Variants in FRS2 observed in about 807,000 individuals in gnomAD.
The protein encoded by FRS2 is fibroblast growth factor receptor substrate 2.
A neutral mutation model predicts 43.9 loss-of-function variants in FRS2; 8 were observed. That is an observed-to-expected ratio of 0.18 (90% CI 0.11 to 0.33). FRS2 has a LOEUF of 0.33. FRS2 is among the 10% of genes least tolerant of loss of function. The pLI, the probability that FRS2 is intolerant of heterozygous loss-of-function variation, is 1.00. For missense variants in FRS2, 534 were observed against 627.6 expected (o/e 0.85, Z 1.59); for synonymous variants, 219 against 220.3 (o/e 0.99, Z 0.05).
chr12:69,499,181 A>G (rs1403541613), intron 1 of FRS2, among the ~76,000 whole-genome samples: 2 of 152,202 alleles, frequency 1.3e-5, no homozygotes, highest in African/African-American at 2.4e-5. Flanking sequence ...ATTGTTGACT[A>G]GAAGTGTAAC....
At chr12:69,486,095 T>G (rs1592921308) in intron 1 of FRS2, 1 of 152,202 alleles carries the variant, frequency 6.6e-6, no homozygotes, top group Non-Finnish European at 1.5e-5. Context: ...GTATCCTAAT[T>G]CCCTTTTTTA....
rs61759364 is a variant in FRS2 at position 69,570,017 on chromosome 12, C to T, written c.67-314C>T. On this transcript the variant is annotated intron_variant, in intron 5 of 8. Transcript: ENST00000549921. The stretch of plus-strand genomic sequence containing the variant: ...TATACTAGCGGTCCAGCTAAAGGCC[C>T]TCCTCCTCTTAAATGAAGGTGTCTC... 1.5e-3 allele frequency among the ~76,000 whole-genome samples: 229 copies of T among 152,294 alleles called. 1 individual carries two copies. The highest frequency in any genetic ancestry group is 5.3e-3 in the African/African-American group (220 of 41,560).
At chr12:69,562,626 C>T (rs1172417599) in intron 4 of FRS2, among the ~76,000 whole-genome samples, 1 of 152,106 alleles carries the variant, frequency 6.6e-6, no homozygotes, top group Non-Finnish European at 1.5e-5. Flanking sequence ...CTTGTTATAG[C>T]ATTGCTCTTC....
chr12:69,570,982 A>C (rs1485857459), intron 6 of FRS2, among the ~76,000 whole-genome samples: 2 of 152,178 alleles, frequency 1.3e-5, no homozygotes, highest in Non-Finnish European at 2.9e-5. Context: ...TGGAATAGTG[A>C]GTTGGGCTCC....
At chr12:69,547,375 C>T (rs1878498798) in intron 3 of FRS2, among the ~76,000 whole-genome samples, 1 of 152,042 alleles carries the variant, frequency 6.6e-6, no homozygotes, top group South Asian at 2.1e-4. Context: ...ATGAGAGAAT[C>T]CCTTGAGCCT....
chr12:69,521,125 G>A (rs755235741), intron 1 of FRS2, among the ~76,000 whole-genome samples: 69 of 152,036 alleles, frequency 4.5e-4, no homozygotes, highest in Non-Finnish European at 9.1e-4. Context: ...TACTCTCCTG[G>A]TTAGCTGTAT....
At chr12:69,569,917 G>C (rs1158190383) in intron 5 of FRS2, among the ~76,000 whole-genome samples, 3 of 152,016 alleles carry the variant, frequency 2.0e-5, no homozygotes, top group African/African-American at 2.4e-5. Flanking sequence ...CTTTAACATT[G>C]TGTCTTTATG....
chr12:69,527,015 G>A (rs935599364), intron 1 of FRS2, among the ~76,000 whole-genome samples: 5 of 152,184 alleles, frequency 3.3e-5, no homozygotes, highest in Non-Finnish European at 5.9e-5. Flanking sequence ...GAGCCACCGC[G>A]TCCAGCCAGT....
chr12:69,574,433 T>C lies in FRS2; in HGVS notation c.1005T>C (p.Asn335=). Residue 335 remains asparagine, a synonymous_variant, in exon 9 of 9, where the codon AAT becomes AAC. Transcript: ENST00000549921. ...LTSTSTSDTQ[N]INNSAQRRTA... Reference sequence around the variant, plus strand: ...CCACCAGTACCTCAGATACCCAGAATATCAACAACTCAGCTCAGAGAAGAA... The same window carrying C: ...CCACCAGTACCTCAGATACCCAGAACATCAACAACTCAGCTCAGAGAAGAA... 1 of 1,614,064 alleles carries C rather than the reference T, an allele frequency of 6.2e-7. No homozygotes were observed. Among genetic ancestry groups the C allele is most frequent in the Non-Finnish European group, 8.5e-7 (1 of 1,179,960 alleles).
intron 3 of FRS2, among the ~76,000 whole-genome samples, chr12:69,558,792 A>G (rs972253898): frequency 6.6e-6 from 1 of 152,220 alleles, no homozygotes; most frequent in Non-Finnish European, 1.5e-5. Context: ...CCTTGGAGTC[A>G]GGGAATGTGT....
Position 69,511,686 on chromosome 12 carries a change from C to A in FRS2, c.-260-19179C>A, listed in dbSNP as rs1874471909. Among the ~76,000 whole-genome samples, 4 of 152,072 alleles carry A rather than the reference C, an allele frequency of 2.6e-5. No homozygotes were observed. The South Asian group carries it at 8.3e-4, about 32-fold the overall frequency. On this transcript the variant is annotated intron_variant, in intron 1 of 8. Coordinates refer to ENST00000549921, the MANE Select transcript of FRS2 (RefSeq NM_001278356.2). ...CAAAGGAATGGTAAACTGCTCATAT[C>A]CGTGTTAGGGCCCCCATTTCTTACT...
At chr12:69,528,319 T>C (rs1420541248) in intron 1 of FRS2, among the ~76,000 whole-genome samples, 3 of 152,244 alleles carry the variant, frequency 2.0e-5, no homozygotes, top group Non-Finnish European at 4.4e-5. Context: ...GATTGTTTCC[T>C]GGTGGTCTTG....
chr12:69,568,031 A>C (rs907762207), intron 4 of FRS2, among the ~76,000 whole-genome samples: 4 of 152,080 alleles, frequency 2.6e-5, no homozygotes. Flanking sequence ...CTCCTTTTTC[A>C]TATATTGTCA....
intron 3 of FRS2, among the ~76,000 whole-genome samples, chr12:69,539,712 T>C (rs1253273656): frequency 6.6e-6 from 1 of 152,056 alleles, no homozygotes; most frequent in African/African-American, 2.4e-5. Context: ...AAGATCCACT[T>C]TGGGAGGCCA....
At chr12:69,545,611 G>C (rs1360610854) in intron 3 of FRS2, among the ~76,000 whole-genome samples, 1 of 152,048 alleles carries the variant, frequency 6.6e-6, no homozygotes, top group African/African-American at 2.4e-5. Flanking sequence ...CAAAAGATTA[G>C]CTGGGTGTGG....
chr12:69,485,807 CTG>C (rs1395017951), intron 1 of FRS2, among the ~76,000 whole-genome samples: 8 of 152,176 alleles, frequency 5.3e-5, no homozygotes, highest in Non-Finnish European at 7.3e-5. Flanking sequence ...GATTCACACA[CTG>C]TACTTAAGTG....
chr12:69,520,963 G>A (rs1031223638), intron 1 of FRS2, among the ~76,000 whole-genome samples: 2 of 151,970 alleles, frequency 1.3e-5, no homozygotes, highest in Non-Finnish European at 2.9e-5. Context: ...TGTAAAGAAT[G>A]TCATTGGTAG....
chr12:69,514,495 A>G (rs559367895), intron 1 of FRS2, among the ~76,000 whole-genome samples: 37 of 152,312 alleles, frequency 2.4e-4, no homozygotes, highest in Admixed American at 1.5e-3. Context: ...TGTATCCTAG[A>G]TGTATGGGAC....
rs79532090 is a variant in FRS2, at chr12:69,560,722, G to A, written c.-121-1458G>A. Among the ~76,000 whole-genome samples the A allele has an allele frequency of 2.1e-3, 315 of 152,290 alleles. 1 individual carries two copies. Among genetic ancestry groups the A allele is most frequent in the African/African-American group, 7.4e-3 (307 of 41,564 alleles). ...AATTAGTTTGCTATAGAAAAATAGG[G>A]TGGTGGTAGACAGCATTTAGTGTAA... On this transcript the variant is annotated intron_variant, in intron 3 of 8. Transcript: ENST00000549921.
Sources: allele counts gnomAD v4.1 joint callset (sites outside exome capture counted in the v4.1 genomes callset), GRCh38; gene constraint gnomAD v4.1.1; transcripts MANE v1.5; gene names NCBI Gene and HGNC (gene_info 2026-07-23, HGNC 2026-07-21).